The following COL13A1 variants were observed in gnomAD, a reference collection of about 807,000 sequenced individuals.
COL13A1 encodes collagen type XIII alpha 1 chain.
In COL13A1, 89 loss-of-function variants were observed where a neutral mutation model predicts 130.9. The ratio of observed to expected loss-of-function variants is 0.68; its 90% CI spans 0.57 to 0.81. The LOEUF is 0.81. COL13A1 is among the 30% of genes least tolerant of loss of function. The pLI is 0.00. For synonymous variants in COL13A1, 402 were observed against 341.6 expected (o/e 1.18, Z -1.95); for missense variants, 879 against 934.6 (o/e 0.94, Z 0.78).
intron 2 of COL13A1, among the ~76,000 whole-genome samples, chr10:69,866,485 C>T (rs1048582668): frequency 1.3e-5 from 2 of 152,314 alleles, no homozygotes; most frequent in Admixed American, 1.3e-4. Context: ...TAAGCTGGCC[C>T]CTCTGGCAGG....
At chr10:69,850,450 G>A (rs1854441414) in intron 2 of COL13A1, among the ~76,000 whole-genome samples, 1 of 34,484 alleles carries the variant, frequency 2.9e-5, no homozygotes, top group African/African-American at 7.3e-5. Context: ...AAACTGCCTG[G>A]CATGGGGTGA....
intron 14 of COL13A1, among the ~76,000 whole-genome samples, chr10:69,899,644 CT>C (rs2061993101): frequency 1.3e-5 from 2 of 152,138 alleles, no homozygotes; most frequent in East Asian, 3.8e-4. Flanking sequence ...CAAGTGCTTC[CT>C]TCTTCTTCCT....
intron 3 of COL13A1, among the ~76,000 whole-genome samples, chr10:69,870,899 G>C (rs372599766): frequency 8.7e-4 from 133 of 152,238 alleles, no homozygotes; most frequent in African/African-American, 3.1e-3. Context: ...GAGCACGCCT[G>C]ATGCTTGGGC....
chr10:69,853,772 T>G (rs1411674485), intron 2 of COL13A1, among the ~76,000 whole-genome samples: 1 of 152,194 alleles, frequency 6.6e-6, no homozygotes, highest in Non-Finnish European at 1.5e-5. Flanking sequence ...GGAATGTGTC[T>G]GCCTTGTCAT....
At chr10:69,878,209 C>G in intron 6 of COL13A1, 144 bp downstream of exon 6, 1 of 631,324 alleles carries the variant, frequency 1.6e-6, no homozygotes, top group Middle Eastern at 3.8e-4. Flanking sequence ...CCTCTCACGG[C>G]CCCGTTTCCT....
intron 3 of COL13A1, among the ~76,000 whole-genome samples, chr10:69,869,555 G>A (rs895044922): frequency 2.6e-5 from 4 of 152,170 alleles, no homozygotes; most frequent in Admixed American, 6.5e-5. Flanking sequence ...GCACAAGGTC[G>A]GCCAGTGCCT....
At chr10:69,894,312 TG>T (rs2061442712) in intron 10 of COL13A1, among the ~76,000 whole-genome samples, 1 of 152,168 alleles carries the variant, frequency 6.6e-6, no homozygotes, top group Non-Finnish European at 1.5e-5. Flanking sequence ...TGCTGGTGGT[TG>T]GAGGAATGGA....
chr10:69,810,390 C>CAGAGAGAGAGAGAGAGAGAGAGAGAG (rs1842741165), intron 1 of COL13A1, among the ~76,000 whole-genome samples: 3 of 106,134 alleles, frequency 2.8e-5, no homozygotes, highest in African/African-American at 9.7e-5. Context: ...GACAGAGAGT[C>CAGAGAGAGAGAGAGAGAGAGAGAGAG]TGTGTGGCCC....
At chr10:69,882,851 T>G (rs1458444359) in intron 7 of COL13A1, among the ~76,000 whole-genome samples, 11 of 152,198 alleles carry the variant, frequency 7.2e-5, no homozygotes, top group Admixed American at 7.2e-4. Flanking sequence ...CTATCCCTGC[T>G]GAGTCCCCAC....
chr10:69,897,156 T>G lies in COL13A1; in HGVS notation c.685-1541T>G, dbSNP rs542880628. 1.2e-3 allele frequency among the ~76,000 whole-genome samples: 179 copies of G among 151,972 alleles called. 1 individual carries two copies. The highest frequency in any genetic ancestry group is 1.6e-3 in the Non-Finnish European group (106 of 67,974). On this transcript the variant is annotated intron_variant, in intron 13 of 40. Coordinates refer to ENST00000645393, the MANE Select transcript of COL13A1 (RefSeq NM_001368882.1). ...GCCTGACCTCATGACAGTGGCACTC[T>G]GGGGAACATGTCAAGCGTGGGGTGG...
intron 1 of COL13A1, among the ~76,000 whole-genome samples, chr10:69,810,742 G>C (rs1842828326): frequency 6.6e-6 from 1 of 152,214 alleles, no homozygotes; most frequent in African/African-American, 2.4e-5. Context: ...GGGGAGACTA[G>C]GGTGGATGGG....
At chr10:69,935,079 T>G (rs2066649403) in intron 31 of COL13A1, among the ~76,000 whole-genome samples, 1 of 131,682 alleles carries the variant, frequency 7.6e-6, no homozygotes, top group African/African-American at 3.1e-5. Flanking sequence ...GTTTTTTTTG[T>G]TTTTTTTTTT....
chr10:69,842,278 C>G (rs934126195), intron 2 of COL13A1, among the ~76,000 whole-genome samples: 1 of 152,204 alleles, frequency 6.6e-6, no homozygotes, highest in Non-Finnish European at 1.5e-5. Context: ...TTAAGACGTG[C>G]CTTTCACCTT....
At chr10:69,940,948 C>T in intron 34 of COL13A1, 40 bp from the exon 35 acceptor site, 1 of 1,613,932 alleles carries the variant, frequency 6.2e-7, no homozygotes, top group East Asian at 2.2e-5. Flanking sequence ...TCCCAATCCT[C>T]TCTTCCCCTT....
intron 4 of COL13A1, among the ~76,000 whole-genome samples, chr10:69,872,790 C>G (rs1290447335): frequency 2.0e-5 from 3 of 152,188 alleles, no homozygotes; most frequent in African/African-American, 7.2e-5. Context: ...TGTTCAATAC[C>G]TCAGTGAAAT....
In COL13A1 at chr10:69,822,411, A is replaced by G. The variant is rs769848663; in HGVS notation, c.337A>G (p.Thr113Ala). 2.5e-6 allele frequency: 4 copies of G among 1,594,844 alleles called. No individual in the cohort carries two copies. In the South Asian group the frequency reaches 4.6e-5, roughly 18 times the overall value. Residue 113 changes from threonine (T) to alanine (A), a missense_variant, in exon 2 of 41, where the codon ACA becomes GCA. Transcript: ENST00000645393. Reference sequence around the variant, plus strand: ...AAGGAGGCGCCGGGAGGCCCCAAAGACATCTCCAGGATGTAACTGCCCACC... The same window carrying G: ...AAGGAGGCGCCGGGAGGCCCCAAAGGCATCTCCAGGATGTAACTGCCCACC... Reference protein sequence around the residue: ...HSRRRREAPKTSPGCNCPPGP... With the variant: ...HSRRRREAPKASPGCNCPPGP...
intron 1 of COL13A1, among the ~76,000 whole-genome samples, chr10:69,808,524 G>A (rs1439694820): frequency 6.6e-6 from 1 of 152,204 alleles, no homozygotes; most frequent in Non-Finnish European, 1.5e-5. Context: ...GTAGGCCTCG[G>A]AATCCTTCTC....
At chr10:69,880,088 G>T (rs2059976745) in intron 6 of COL13A1, among the ~76,000 whole-genome samples, 1 of 151,984 alleles carries the variant, frequency 6.6e-6, no homozygotes, top group Non-Finnish European at 1.5e-5. Context: ...TCAGGCCTGG[G>T]CAGCCTTGCT....
chr10:69,900,648 T>C (rs1288569053), intron 14 of COL13A1, among the ~76,000 whole-genome samples: 8 of 152,216 alleles, frequency 5.3e-5, no homozygotes, highest in Non-Finnish European at 1.0e-4. Flanking sequence ...GCTTAAACAT[T>C]GGGTCTAAGA....
Sources: allele counts gnomAD v4.1 joint callset (sites outside exome capture counted in the v4.1 genomes callset), GRCh38; gene constraint gnomAD v4.1.1; transcripts MANE v1.5; gene names NCBI Gene and HGNC (gene_info 2026-07-23, HGNC 2026-07-21).